CAMTA1: variants seen among roughly 807,000 people sequenced by gnomAD.
The protein encoded by CAMTA1 is calmodulin binding transcription activator 1.
CAMTA1 carries 27 observed loss-of-function variants against 170.9 expected under a neutral mutation model. The ratio of observed to expected loss-of-function variants is 0.16; its 90% CI spans 0.12 to 0.22. The LOEUF (loss-of-function observed/expected upper bound fraction) is 0.22, where lower values mean the gene tolerates loss of function less well. Among genes scored for constraint, CAMTA1 ranks in the 10% least tolerant of loss-of-function variants. The pLI, the probability that CAMTA1 is intolerant of heterozygous loss-of-function variation, is 1.00. For synonymous variants in CAMTA1, 833 were observed against 891.5 expected, an observed-to-expected ratio of 0.93 and a Z score of 1.17; for missense variants, 1,619 against 2,217.2, an observed-to-expected ratio of 0.73 and a Z score of 5.42.
At chr1:7,191,234 C>T (rs1024491878) in intron 4 of CAMTA1, among the ~76,000 whole-genome samples, 2 of 152,196 alleles carry the variant, frequency 1.3e-5, no homozygotes, top group Non-Finnish European at 2.9e-5. Flanking sequence ...CTGGGTAGGA[C>T]ACCCCATAGC....
chr1:6,962,853 A>C (rs1572063579), intron 3 of CAMTA1, among the ~76,000 whole-genome samples: 2 of 71,640 alleles, frequency 2.8e-5, no homozygotes, highest in Admixed American at 1.9e-4. Context: ...CCTGCTTTCC[A>C]TCCCTGCCTT....
In CAMTA1 at chr1:7,547,799, C is replaced by T. The variant is rs75956457; in HGVS notation, c.510+79898C>T. Among the ~76,000 whole-genome samples the T allele has an allele frequency of 7.9e-5, 12 of 151,976 alleles. No homozygotes were observed. Among genetic ancestry groups the T allele is most frequent in the Non-Finnish European group, 1.6e-4 (11 of 67,960 alleles). ...TCCAACATAATCTCCCTGTACACAA[C>T]CAGTCTCACATCTCTGCCACCCCAT... On this transcript the variant is annotated intron_variant, in intron 6 of 22. Coordinates refer to ENST00000303635, the MANE Select transcript of CAMTA1 (RefSeq NM_015215.4). This position sits in a 1 kb window ranked among gnomAD's most constrained non-coding sequence, Gnocchi z 5.7.
At chr1:6,902,064 CACACACACAA>C (rs1677080254) in intron 3 of CAMTA1, among the ~76,000 whole-genome samples, 1 of 99,182 alleles carries the variant, frequency 1.0e-5, no homozygotes, top group Non-Finnish European at 2.2e-5. Flanking sequence ...CACACACACA[CACACACACAA>C]AAAAAAAAAT....
intron 5 of CAMTA1, among the ~76,000 whole-genome samples, chr1:7,330,444 G>A (rs1432094786): frequency 6.6e-6 from 1 of 152,094 alleles, no homozygotes; most frequent in Non-Finnish European, 1.5e-5. Context: ...CTCCTTGGCT[G>A]GGAAATGGAG....
intron 4 of CAMTA1, among the ~76,000 whole-genome samples, chr1:7,110,161 C>A (rs1410711401): frequency 6.6e-6 from 1 of 152,172 alleles, no homozygotes; most frequent in East Asian, 1.9e-4. Context: ...CTGGATCCCA[C>A]CCATTCACTC....
chr1:7,118,418 G>C (rs1208831664), intron 4 of CAMTA1, among the ~76,000 whole-genome samples: 1 of 149,926 alleles, frequency 6.7e-6, no homozygotes, highest in Non-Finnish European at 1.5e-5. Flanking sequence ...TCAGCCTCCT[G>C]AGTAGCTGGG....
At chr1:6,963,738 G>C (rs1470845022) in intron 3 of CAMTA1, among the ~76,000 whole-genome samples, 1 of 152,190 alleles carries the variant, frequency 6.6e-6, no homozygotes, top group African/African-American at 2.4e-5. Context: ...CCCGGGGCCT[G>C]GGGGCTGGGC....
intron 3 of CAMTA1, among the ~76,000 whole-genome samples, chr1:6,984,277 T>C (rs1001552883): frequency 6.6e-6 from 1 of 151,780 alleles, no homozygotes. Flanking sequence ...GACTTCTGCA[T>C]TGTAAAAGTG....
At chr1:7,198,932 C>G (rs984836058) in intron 4 of CAMTA1, among the ~76,000 whole-genome samples, 32 of 152,310 alleles carry the variant, frequency 2.1e-4, no homozygotes, top group Admixed American at 1.4e-3. Flanking sequence ...TTCTTCTTCC[C>G]TACTCCTGAC....
At chr1:7,601,824 G>A (rs989703189) in intron 6 of CAMTA1, among the ~76,000 whole-genome samples, 2,308 of 152,182 alleles carry the variant, frequency 0.015, 51 homozygotes, top group African/African-American at 0.054. Flanking sequence ...GCCTGCAATC[G>A]CAGGCACTCG....
At chr1:7,760,798 C>T (rs545204402) in intron 22 of CAMTA1, among the ~76,000 whole-genome samples, 7 of 152,288 alleles carry the variant, frequency 4.6e-5, no homozygotes, top group South Asian at 2.1e-4. Context: ...ATCAGAAAGC[C>T]GCATCCGCTG....
chr1:7,513,523 G>A (rs1162293391), intron 6 of CAMTA1, among the ~76,000 whole-genome samples: 1 of 152,164 alleles, frequency 6.6e-6, no homozygotes, highest in Non-Finnish European at 1.5e-5. Flanking sequence ...CTCTCCCCTG[G>A]CTTCCAGTGT....
At chr1:7,429,378 G>A (rs528920242) in intron 5 of CAMTA1, among the ~76,000 whole-genome samples, 2 of 152,176 alleles carry the variant, frequency 1.3e-5, no homozygotes, top group African/African-American at 4.8e-5. Flanking sequence ...GCATAATGGT[G>A]GTGATGATGA....
At chr1:7,602,815 A>G (rs1391572108) in intron 6 of CAMTA1, among the ~76,000 whole-genome samples, 3 of 152,216 alleles carry the variant, frequency 2.0e-5, no homozygotes, top group Non-Finnish European at 4.4e-5. Flanking sequence ...TTCCCTCTAC[A>G]CACTGCTTTG....
At chr1:7,485,422 G>A (rs1479083248) in intron 6 of CAMTA1, among the ~76,000 whole-genome samples, 2 of 152,216 alleles carry the variant, frequency 1.3e-5, no homozygotes, top group East Asian at 1.9e-4. Flanking sequence ...TTTGGGGGCA[G>A]CTGGGGAAGG....
chr1:7,391,328 A>AGTGTGTGTGTGTGTGTGTGTGTGTGTGT (rs35663101), intron 5 of CAMTA1, among the ~76,000 whole-genome samples: 29 of 147,022 alleles, frequency 2.0e-4, no homozygotes, highest in African/African-American at 7.3e-4. Context: ...CCCTTTACAC[A>AGTGTGTGTGTGTGTGTGTGTGTGTGTGT]GTGTGTGTGT....
At chr1:7,306,199 T>C (rs1675571663) in intron 5 of CAMTA1, among the ~76,000 whole-genome samples, 1 of 152,092 alleles carries the variant, frequency 6.6e-6, no homozygotes. Context: ...TTTGCTTAAC[T>C]CCAGGTCACA....
rs1256762276 is a variant in CAMTA1 at position 7,041,194 on chromosome 1, A to G, written c.235-50110A>G. Among the ~76,000 whole-genome samples, 3 of 152,236 alleles carry G rather than the reference A, an allele frequency of 2.0e-5. No individual in the cohort carries two copies. Among genetic ancestry groups the G allele is most frequent in the East Asian group, 1.9e-4 (1 of 5,190 alleles). ...GTCAGCCACCCTTGGTTCATTTTCT[A>G]CACGAGGCCCCACACGGCCCCGGAG... On this transcript the variant is annotated intron_variant, in intron 3 of 22. Transcript: ENST00000303635. The surrounding 1 kb of genome is among the most constrained non-coding windows in gnomAD (Gnocchi z 5.1).
intron 22 of CAMTA1, among the ~76,000 whole-genome samples, chr1:7,766,026 CAA>C (rs59692886): frequency 1.5e-4 from 11 of 71,400 alleles, no homozygotes; most frequent in African/African-American, 2.8e-4. Context: ...GATTCTGTCT[CAA>C]AAAAAAAAAA....
Sources: gnomAD v4.1 joint callset for allele counts (sites outside exome capture counted in the v4.1 genomes callset) on GRCh38, gnomAD v4.1.1 for gene constraint, Gnocchi (gnomAD v3.1) non-coding constraint, MANE v1.5 for transcripts, NCBI Gene and HGNC (gene_info 2026-07-23, HGNC 2026-07-21) for gene names.